The following ANKRD17 variants were observed in gnomAD, a reference collection of about 807,000 sequenced individuals.
ANKRD17 encodes ankyrin repeat domain 17, also known as ankyrin repeat domain-containing protein 17.
ANKRD17 carries 19 observed loss-of-function variants against 229.7 expected under a neutral mutation model. The observed-to-expected ratio is 0.08, with a 90% confidence interval of 0.06 to 0.12. The LOEUF is 0.12. Among genes scored for constraint, ANKRD17 ranks in the 10% least tolerant of loss-of-function variants. The probability of loss-of-function intolerance (pLI) is 1.00; values close to 1 mark genes in which losing one functional copy is unlikely to be tolerated. For missense variants in ANKRD17, 2,176 were observed against 3,176.8 expected (o/e 0.68, Z 7.57); for synonymous variants, 1,112 against 1,146.1 (o/e 0.97, Z 0.60).
chr4:73,097,957 GCA>G, intron 26 of ANKRD17, 114 bp downstream of exon 26: 2 of 905,146 alleles, frequency 2.2e-6, no homozygotes, highest in Non-Finnish European at 3.3e-6. Context: ...ACCTTCTTTA[GCA>G]CAAAGAAAAA....
At position 73,129,592 on chromosome 4, in the gene ANKRD17, C is replaced by T. The variant is rs556348019; in HGVS notation, c.3235-4280G>A. On this transcript the variant is annotated intron_variant, in intron 16 of 33. Transcript: ENST00000358602. ...ATTAGCCAGAAGTGGTGTGCAATGC[C>T]TGTACTCATAGCTACTCATGAGTTT... Among the ~76,000 whole-genome samples the T allele has an allele frequency of 5.3e-5, 8 of 152,042 alleles. No homozygotes were observed. The East Asian group carries it at 1.4e-3, about 26-fold the overall frequency.
chr4:73,076,860 C>A (rs1257205581), intron 33 of ANKRD17, 80 bp downstream of exon 33: 22 of 1,475,612 alleles, frequency 1.5e-5, no homozygotes, highest in African/African-American at 2.8e-5. Context: ...CTCTTGCTAT[C>A]ATGAGTTACC....
At chr4:73,143,067 A>G (rs1444639935) in intron 11 of ANKRD17, among the ~76,000 whole-genome samples, 1 of 152,218 alleles carries the variant, frequency 6.6e-6, no homozygotes, top group Non-Finnish European at 1.5e-5. Flanking sequence ...TCCTAATGTA[A>G]TAACTGTATT....
intron 29 of ANKRD17, among the ~76,000 whole-genome samples, chr4:73,086,347 G>A (rs551922998): frequency 7.2e-4 from 110 of 151,926 alleles, no homozygotes; most frequent in African/African-American, 2.4e-3. Flanking sequence ...AAGAATAAAC[G>A]TTTACCTTTA....
At chr4:73,193,279 T>C (rs1737378768) in intron 1 of ANKRD17, among the ~76,000 whole-genome samples, 1 of 152,248 alleles carries the variant, frequency 6.6e-6, no homozygotes, top group Admixed American at 6.5e-5. Flanking sequence ...CTTCATCATA[T>C]GGATGTATCA....
chr4:73,219,875 T>C (rs554223884), intron 1 of ANKRD17, among the ~76,000 whole-genome samples: 1 of 152,292 alleles, frequency 6.6e-6, no homozygotes, highest in African/African-American at 2.4e-5. Context: ...CAGAACAATC[T>C]GAACTTAATC....
chr4:73,111,362 C>A (rs1158139779), intron 24 of ANKRD17, among the ~76,000 whole-genome samples: 2 of 152,112 alleles, frequency 1.3e-5, no homozygotes, highest in African/African-American at 4.8e-5. Context: ...TAACTGAGGG[C>A]TACTAAGTGG....
In ANKRD17 at chr4:73,179,484, GTGTGTA is replaced by G. The variant is rs1265925236; in HGVS notation, c.394-1957_394-1952del. On this transcript the variant is annotated intron_variant, in intron 1 of 33. Coordinates refer to ENST00000358602, the MANE Select transcript of ANKRD17 (RefSeq NM_032217.5). ...TGTATATATGTGTGTGTGTGTGTGT[GTGTGTA>G]TATATATATATATATATATATATAT... Among the ~76,000 whole-genome samples, 10 of 65,684 alleles carry G rather than the reference GTGTGTA, an allele frequency of 1.5e-4. No homozygotes were observed. The East Asian group carries it at 1.6e-3, about 11-fold the overall frequency. The allele number at this position is 65,684 out of a possible 152,430, so 43.1% of individuals were successfully genotyped here.
chr4:73,226,132 C>T (rs967093991), intron 1 of ANKRD17, among the ~76,000 whole-genome samples: 3 of 150,614 alleles, frequency 2.0e-5, no homozygotes, highest in Admixed American at 1.3e-4. Flanking sequence ...CGTGCCACCA[C>T]GCCCATCTAA....
At chr4:73,113,254 G>A in intron 24 of ANKRD17, 1 of 1,289,356 alleles carries the variant, frequency 7.8e-7, no homozygotes, top group Admixed American at 2.3e-5. Context: ...CAAACTATAT[G>A]CTGTTTTGGT....
chr4:73,076,353 A>T, intron 33 of ANKRD17, 63 bp from the exon 34 acceptor site: 1 of 1,333,124 alleles, frequency 7.5e-7, no homozygotes. Context: ...TTAAAATAAA[A>T]CTTTTAAAAA....
intron 1 of ANKRD17, among the ~76,000 whole-genome samples, chr4:73,206,698 G>GA (rs908570593): frequency 3.9e-5 from 6 of 152,278 alleles, no homozygotes; most frequent in African/African-American, 9.6e-5. Context: ...GGGTGGACCA[G>GA]AAAGATGTTG....
chr4:73,203,458 A>T lies in ANKRD17; in HGVS notation c.394-25925T>A, dbSNP rs552087445. Reference sequence around the variant, plus strand: ...AAGAGAGAAGGAGGGTAGAAAAAACATTTAAAGAAATAATGTGGGCTGGGC... The same window carrying T: ...AAGAGAGAAGGAGGGTAGAAAAAACTTTTAAAGAAATAATGTGGGCTGGGC... On this transcript the variant is annotated intron_variant, in intron 1 of 33. Transcript: ENST00000358602. Among the ~76,000 whole-genome samples, 18 of 152,264 alleles carry T rather than the reference A, an allele frequency of 1.2e-4. No individual in the cohort carries two copies. The South Asian group carries it at 3.7e-3, about 32-fold the overall frequency.
In ANKRD17 at chr4:73,091,591, C is replaced by T. The variant is rs759135865; in HGVS notation, c.6037G>A (p.Val2013Ile). The T allele has an allele frequency of 6.1e-5, 98 of 1,613,994 alleles. No homozygotes were observed. Among genetic ancestry groups the T allele is most frequent in the Non-Finnish European group, 7.8e-5 (92 of 1,180,026 alleles). The change falls in exon 29 of 34, where the codon GTC (valine) becomes ATC (isoleucine). Residue 2013 changes from valine to isoleucine, a missense_variant. By Grantham distance (29) the Val-to-Ile change is conservative. Coordinates refer to ENST00000358602, the MANE Select transcript of ANKRD17 (RefSeq NM_032217.5). ...VKTSNATTTT[V>I]TTTASNNNTA... ...TTGTTGTTGCTTGCCGTGGTTGTGA[C>T]TGTTGTTGTGGTGGCATTGGATGTC...
intron 1 of ANKRD17, among the ~76,000 whole-genome samples, chr4:73,189,183 A>T (rs1218461944): frequency 1.3e-5 from 2 of 152,194 alleles, no homozygotes; most frequent in African/African-American, 4.8e-5. Flanking sequence ...TTCATTATAG[A>T]TAGCCAATTA....
At chr4:73,103,011 A>C (rs1724195300) in intron 24 of ANKRD17, among the ~76,000 whole-genome samples, 1 of 152,124 alleles carries the variant, frequency 6.6e-6, no homozygotes, top group African/African-American at 2.4e-5. Flanking sequence ...TTATTATATA[A>C]AATGTCTATC....
chr4:73,161,480 T>C, intron 2 of ANKRD17, 132 bp from the exon 3 acceptor site: 1 of 855,604 alleles, frequency 1.2e-6, no homozygotes, highest in Non-Finnish European at 1.8e-6. Flanking sequence ...ATATATTGGC[T>C]GCCCAGCATC....
intron 30 of ANKRD17, among the ~76,000 whole-genome samples, chr4:73,081,110 A>G (rs1721516706): frequency 6.6e-6 from 1 of 152,228 alleles, no homozygotes; most frequent in African/African-American, 2.4e-5. Flanking sequence ...ATAGGCACCC[A>G]TCCAAGTTTT....
intron 1 of ANKRD17, among the ~76,000 whole-genome samples, chr4:73,231,240 G>A (rs961241420): frequency 2.6e-5 from 4 of 151,970 alleles, no homozygotes; most frequent in East Asian, 1.9e-4. Context: ...TTGAGTCACC[G>A]GTTTCTACCA....
Sources: allele counts gnomAD v4.1 joint callset (sites outside exome capture counted in the v4.1 genomes callset), GRCh38; gene constraint gnomAD v4.1.1; transcripts MANE v1.5; gene names NCBI Gene and HGNC (gene_info 2026-07-23, HGNC 2026-07-21).